Variants in CTNND2 observed in about 807,000 individuals in gnomAD.
CTNND2 encodes catenin delta 2, also known as catenin delta-2.
Under a neutral mutation model 144.4 loss-of-function variants are expected in CTNND2, and 22 were observed. The ratio of observed to expected loss-of-function variants is 0.15; its 90% confidence interval spans 0.11 to 0.22. The LOEUF is 0.22. Among genes scored for constraint, CTNND2 ranks in the 10% least tolerant of loss-of-function variants. The probability of loss-of-function intolerance (pLI) is 1.00; values close to 1 mark genes in which losing one functional copy is unlikely to be tolerated. For synonymous variants in CTNND2, 751 were observed against 695.6 expected (o/e 1.08, Z -1.25); for missense variants, 1,353 against 1,618.8 (o/e 0.84, Z 2.82).
At chr5:11,071,446 A>G (rs767353428) in intron 16 of CTNND2, among the ~76,000 whole-genome samples, 1 of 152,168 alleles carries the variant, frequency 6.6e-6, no homozygotes, top group Non-Finnish European at 1.5e-5. Context: ...TGCCCGAGGC[A>G]TGAGAATCGT....
At chr5:11,212,857 G>C (rs1738782200) in intron 10 of CTNND2, among the ~76,000 whole-genome samples, 1 of 152,176 alleles carries the variant, frequency 6.6e-6, no homozygotes, top group South Asian at 2.1e-4. Flanking sequence ...GAGGAGACTA[G>C]ACTGGAGCTG....
At chr5:11,129,411 A>T (rs1472851693) in intron 12 of CTNND2, among the ~76,000 whole-genome samples, 1 of 142,832 alleles carries the variant, frequency 7.0e-6, no homozygotes, top group African/African-American at 2.6e-5. Context: ...CAATGCCGTG[A>T]GGCCAGGCCA....
chr5:11,474,044 G>A (rs1221205788), intron 3 of CTNND2, among the ~76,000 whole-genome samples: 1 of 152,184 alleles, frequency 6.6e-6, no homozygotes, highest in Non-Finnish European at 1.5e-5. Context: ...TATGCTGTTT[G>A]GAAGAGAGGG....
intron 9 of CTNND2, among the ~76,000 whole-genome samples, chr5:11,324,218 C>G (rs1345988614): frequency 6.6e-6 from 1 of 152,092 alleles, no homozygotes; most frequent in African/African-American, 2.4e-5. Flanking sequence ...GCCCTGGTTA[C>G]CCTTTTCTCA....
intron 1 of CTNND2, among the ~76,000 whole-genome samples, chr5:11,763,804 T>C (rs1789420387): frequency 1.3e-5 from 2 of 152,158 alleles, no homozygotes; most frequent in Non-Finnish European, 2.9e-5. Flanking sequence ...GTAGCTGGTT[T>C]CCCTGTTTTT....
At chr5:11,783,860 T>G (rs1402383747) in intron 1 of CTNND2, among the ~76,000 whole-genome samples, 1 of 152,180 alleles carries the variant, frequency 6.6e-6, no homozygotes, top group African/African-American at 2.4e-5. Flanking sequence ...CCTGACTACT[T>G]GTGCTATCTG....
At chr5:11,354,717 A>G (rs944851936) in intron 8 of CTNND2, among the ~76,000 whole-genome samples, 2 of 152,172 alleles carry the variant, frequency 1.3e-5, no homozygotes, top group Non-Finnish European at 2.9e-5. Flanking sequence ...CAATAAGGAA[A>G]CATCAGACTT....
At chr5:11,026,908 C>T (rs777600594) in intron 16 of CTNND2, among the ~76,000 whole-genome samples, 3 of 151,996 alleles carry the variant, frequency 2.0e-5, no homozygotes, top group East Asian at 1.9e-4. Context: ...AGAGATTTCA[C>T]GCGGGAATAA....
intron 10 of CTNND2, among the ~76,000 whole-genome samples, chr5:11,212,224 C>T (rs1459180431): frequency 6.6e-6 from 1 of 152,152 alleles, no homozygotes; most frequent in African/African-American, 2.4e-5. Flanking sequence ...GGTCCACATT[C>T]CCTGGGGTTG....
chr5:11,077,001 T>C (rs575157944), intron 16 of CTNND2, among the ~76,000 whole-genome samples: 325 of 152,340 alleles, frequency 2.1e-3, no homozygotes, highest in African/African-American at 7.4e-3. Context: ...GTTTGATTCT[T>C]GGCTTTTTTA....
intron 1 of CTNND2, among the ~76,000 whole-genome samples, chr5:11,839,846 C>T (rs1367131488): frequency 6.6e-6 from 1 of 151,972 alleles, no homozygotes; most frequent in Non-Finnish European, 1.5e-5. Flanking sequence ...CGTGACCTAG[C>T]CTAGGCAGGC....
chr5:11,879,253 G>T (rs1333942581), intron 1 of CTNND2, among the ~76,000 whole-genome samples: 2 of 150,734 alleles, frequency 1.3e-5, no homozygotes, highest in East Asian at 3.9e-4. Flanking sequence ...AGTTAAAATT[G>T]TCAAGTGTTT....
chr5:11,410,602 A>T (rs1276619786), intron 5 of CTNND2, among the ~76,000 whole-genome samples: 2 of 152,158 alleles, frequency 1.3e-5, no homozygotes, highest in Non-Finnish European at 2.9e-5. Flanking sequence ...TATTTAAAGG[A>T]GGTCCATTTC....
At chr5:11,581,023 G>A (rs1242453864) in intron 2 of CTNND2, among the ~76,000 whole-genome samples, 3 of 152,082 alleles carry the variant, frequency 2.0e-5, no homozygotes, top group East Asian at 1.9e-4. Flanking sequence ...TTCACATATG[G>A]CCTAAAAGTA....
chr5:11,291,404 A>T (rs920236924), intron 9 of CTNND2, among the ~76,000 whole-genome samples: 2 of 152,078 alleles, frequency 1.3e-5, no homozygotes, highest in African/African-American at 4.8e-5. Flanking sequence ...ATTGGTCCCA[A>T]GTTTGATCCT....
chr5:11,173,664 A>T (rs944452626), intron 11 of CTNND2, among the ~76,000 whole-genome samples: 1 of 152,166 alleles, frequency 6.6e-6, no homozygotes, highest in African/African-American at 2.4e-5. Flanking sequence ...TTCTTGGTGG[A>T]TCAATAGCAT....
At chr5:11,583,968 C>G (rs1406409723) in intron 2 of CTNND2, among the ~76,000 whole-genome samples, 1 of 152,210 alleles carries the variant, frequency 6.6e-6, no homozygotes, top group Non-Finnish European at 1.5e-5. Flanking sequence ...TTTTTCATCT[C>G]CACCTCTGTT....
chr5:11,323,231 T>TGGGG (rs374479685), intron 9 of CTNND2, among the ~76,000 whole-genome samples: 20 of 121,818 alleles, frequency 1.6e-4, no homozygotes, highest in Admixed American at 6.7e-4. Context: ...ATTTAGAGAT[T>TGGGG]GGGGGGGGGG....
intron 3 of CTNND2, among the ~76,000 whole-genome samples, chr5:11,440,060 A>G (rs903374144): frequency 3.3e-5 from 5 of 152,152 alleles, no homozygotes; most frequent in African/African-American, 1.2e-4. Context: ...AAGCCAGGAC[A>G]GTTCTGAGAA....
Sources: allele counts gnomAD v4.1 joint callset (sites outside exome capture counted in the v4.1 genomes callset), GRCh38; gene constraint gnomAD v4.1.1; transcripts MANE v1.5; gene names NCBI Gene and HGNC (gene_info 2026-07-23, HGNC 2026-07-21).